KANK1: variants seen among roughly 807,000 people sequenced by gnomAD.
KANK1 encodes KN motif and ankyrin repeat domain-containing protein 1.
A neutral mutation model predicts 106.2 loss-of-function variants in KANK1; 109 were observed. The ratio of observed to expected loss-of-function variants is 1.03; its 90% confidence interval spans 0.88 to 1.20. The LOEUF is 1.20. Among genes scored for constraint, KANK1 ranks in the 50% most tolerant of loss-of-function variants. KANK1 has a pLI of 0.00. For synonymous variants in KANK1, 873 were observed against 652.2 expected (o/e 1.34, Z -5.16); for missense variants, 2,399 against 1,710.7 (o/e 1.40, Z -7.10).
chr9:507,799 G>C (rs2058834592), intron 1 of KANK1, among the ~76,000 whole-genome samples: 1 of 151,944 alleles, frequency 6.6e-6, no homozygotes. Context: ...ATCGTGATGT[G>C]CCCACCTCGG....
chr9:742,378 C>T lies in KANK1; in HGVS notation c.3870C>T (p.Pro1290=), dbSNP rs115758363. The change falls in exon 10 of 12, where the codon CCC becomes CCT. Residue 1290 remains proline (P), a synonymous_variant. Coordinates refer to ENST00000382297, the MANE Select transcript of KANK1 (RefSeq NM_015158.5). ...VEIVKLLLAQ[P]GCNGHLEDND... ...TTGTCAAGCTGCTGCTGGCCCAGCC[C>T]GGCTGCAACGGTCACCTAGAGGACA... 2.8e-4 allele frequency: 452 copies of T among 1,613,772 alleles called. 5 individuals carry two copies. In the East Asian group the frequency reaches 5.5e-3, roughly 20 times the overall value.
At chr9:743,153 T>C (rs1208007741) in intron 10 of KANK1, among the ~76,000 whole-genome samples, 1 of 152,182 alleles carries the variant, frequency 6.6e-6, no homozygotes, top group Non-Finnish European at 1.5e-5. Flanking sequence ...TTGGCTTGGT[T>C]CCGTTTTTGA....
chr9:585,450 C>T (rs1345514639), intron 1 of KANK1, among the ~76,000 whole-genome samples: 2 of 152,098 alleles, frequency 1.3e-5, no homozygotes, highest in African/African-American at 4.8e-5. Context: ...CTTGTATCAG[C>T]CTCAAATAAA....
At chr9:630,917 C>T (rs1379490878) in intron 1 of KANK1, among the ~76,000 whole-genome samples, 1 of 151,560 alleles carries the variant, frequency 6.6e-6, no homozygotes, top group African/African-American at 2.4e-5. Flanking sequence ...ATCATGCCGC[C>T]ACACCCTAGC....
At chr9:669,518 GT>G (rs76289962) in intron 1 of KANK1, among the ~76,000 whole-genome samples, 1 of 151,800 alleles carries the variant, frequency 6.6e-6, no homozygotes, top group East Asian at 1.9e-4. Context: ...GTTTTTTGGG[GT>G]TTTTTCTTTC....
chr9:552,352 C>T (rs184988119), intron 1 of KANK1, among the ~76,000 whole-genome samples: 15 of 152,180 alleles, frequency 9.9e-5, no homozygotes, highest in African/African-American at 3.4e-4. Flanking sequence ...GTCAGTTAGC[C>T]GGTGATTGCC....
chr9:571,770 T>C (rs1819239614), intron 1 of KANK1, among the ~76,000 whole-genome samples: 1 of 152,194 alleles, frequency 6.6e-6, no homozygotes, highest in Non-Finnish European at 1.5e-5. Context: ...TGTTCTGTCA[T>C]TTATCAGAAA....
At chr9:692,224 C>G (rs1329839731) in intron 2 of KANK1, among the ~76,000 whole-genome samples, 1 of 152,192 alleles carries the variant, frequency 6.6e-6, no homozygotes, top group Non-Finnish European at 1.5e-5. Flanking sequence ...TGTCTCATCT[C>G]CTACTGGTGA....
intron 2 of KANK1, among the ~76,000 whole-genome samples, chr9:691,164 G>A (rs1395495436): frequency 6.6e-6 from 1 of 152,054 alleles, no homozygotes; most frequent in Non-Finnish European, 1.5e-5. Context: ...ACTTTTTCTG[G>A]TGGACCTCAC....
upstream of KANK1, among the ~76,000 whole-genome samples, chr9:502,474 A>G (rs149043198): frequency 6.2e-4 from 95 of 152,146 alleles, no homozygotes; most frequent in African/African-American, 1.3e-3. Flanking sequence ...ACTAAATGCA[A>G]AGAGGGAGAA....
At chr9:686,165 T>A (rs1200355520) in intron 2 of KANK1, among the ~76,000 whole-genome samples, 1 of 152,234 alleles carries the variant, frequency 6.6e-6, no homozygotes, top group African/African-American at 2.4e-5. Context: ...AGAAAAAAGT[T>A]CTCTCTTCCT....
At chr9:572,247 C>G (rs1007558141) in intron 1 of KANK1, among the ~76,000 whole-genome samples, 1 of 149,014 alleles carries the variant, frequency 6.7e-6, no homozygotes, top group Non-Finnish European at 1.5e-5. Context: ...CCTTAAACTC[C>G]TGGGCTCAAG....
chr9:718,704 G>A (rs1476675032), intron 3 of KANK1, among the ~76,000 whole-genome samples: 1 of 152,118 alleles, frequency 6.6e-6, no homozygotes, highest in Non-Finnish European at 1.5e-5. Flanking sequence ...AGTCCCTTCA[G>A]CAGGATTATT....
At position 528,469 on chromosome 9, in the gene KANK1, CTTTTTTTTTTTTT is replaced by C. The variant is rs36072780; in HGVS notation, c.-84+23733_-84+23745del. Among the ~76,000 whole-genome samples, 38 of 85,128 alleles carry C rather than the reference CTTTTTTTTTTTTT, an allele frequency of 4.5e-4. 1 individual carries two copies. The highest frequency in any genetic ancestry group is 8.0e-4 in the Non-Finnish European group (33 of 41,368). The allele number at this position is 85,128 out of a possible 152,430, so 55.8% of individuals were successfully genotyped here. ...ACCATTTTACTGAATTAAAAAATAACTTTTTTTTTTTTTTTTTTTTTTTTTTTTTTGAGACGGA... is the reference window on the plus strand; with the variant it reads ...ACCATTTTACTGAATTAAAAAATAACTTTTTTTTTTTTTTTTTGAGACGGA... On this transcript the variant is annotated intron_variant, in intron 1 of 11. Coordinates refer to ENST00000382297, the MANE Select transcript of KANK1 (RefSeq NM_015158.5).
intron 1 of KANK1, among the ~76,000 whole-genome samples, chr9:604,723 G>A (rs970212767): frequency 1.3e-4 from 19 of 151,646 alleles, no homozygotes; most frequent in South Asian, 6.2e-4. Context: ...TCAGCTGTTC[G>A]GGAAGCTGAG....
chr9:526,603 G>T (rs1488542995), intron 1 of KANK1, among the ~76,000 whole-genome samples: 1 of 151,746 alleles, frequency 6.6e-6, no homozygotes, highest in East Asian at 1.9e-4. Flanking sequence ...AATGTTTTAT[G>T]TACGTGTCTT....
intron 2 of KANK1, among the ~76,000 whole-genome samples, chr9:686,297 A>C (rs892586094): frequency 1.3e-4 from 20 of 152,176 alleles, no homozygotes; most frequent in African/African-American, 4.6e-4. Flanking sequence ...TCAGGGACGC[A>C]CCACGAATAT....
chr9:545,968 G>A (rs908757044), intron 1 of KANK1, among the ~76,000 whole-genome samples: 1 of 151,854 alleles, frequency 6.6e-6, no homozygotes, highest in African/African-American at 2.4e-5. Flanking sequence ...GGCTGGTCTC[G>A]AACTCCTGAC....
intron 2 of KANK1, chr9:693,326 C>G (rs1198312271): frequency 2.1e-6 from 2 of 931,778 alleles, no homozygotes; most frequent in African/African-American, 1.8e-5. Context: ...CAAATTGTAA[C>G]AGAGAGCCTT....
Sources: gnomAD v4.1 joint callset for allele counts (sites outside exome capture counted in the v4.1 genomes callset) on GRCh38, gnomAD v4.1.1 for gene constraint, MANE v1.5 for transcripts, NCBI Gene and HGNC (gene_info 2026-07-23, HGNC 2026-07-21) for gene names.